PKIB: variants seen among roughly 807,000 people sequenced by gnomAD.
The protein encoded by PKIB is PKI-beta.
A neutral mutation model predicts 4.5 loss-of-function variants in PKIB; 2 were observed. The ratio of observed to expected loss-of-function variants is 0.44; its 90% CI spans 0.18 to 1.39. The LOEUF is 1.39. Among genes scored for constraint, PKIB ranks in the 40% most tolerant of loss-of-function variants. The pLI, the probability that PKIB is intolerant of heterozygous loss-of-function variation, is 0.27. For synonymous variants in PKIB, 38 were observed against 36.0 expected, an observed-to-expected ratio of 1.06 and a Z score of -0.20; for missense variants, 94 against 92.6, an observed-to-expected ratio of 1.02 and a Z score of -0.06.
At chr6:122,490,071 T>C (rs577086354) in intron 2 of PKIB, among the ~76,000 whole-genome samples, 15 of 152,354 alleles carry the variant, frequency 9.8e-5, no homozygotes, top group Admixed American at 9.1e-4. Context: ...AAAAATAGTT[T>C]GCAAACTTAT....
chr6:122,541,783 A>T (rs1163155052), intron 2 of PKIB, among the ~76,000 whole-genome samples: 1 of 151,696 alleles, frequency 6.6e-6, no homozygotes, highest in East Asian at 1.9e-4. Flanking sequence ...AGTGTTTTCC[A>T]ACTTGGTTCC....
intron 2 of PKIB, among the ~76,000 whole-genome samples, chr6:122,669,163 T>C (rs551317418): frequency 5.9e-5 from 9 of 152,342 alleles, no homozygotes; most frequent in African/African-American, 1.9e-4. Flanking sequence ...TCTTCCTCTA[T>C]TGTGAGAATT....
At chr6:122,556,734 C>G (rs1427109108) in intron 2 of PKIB, among the ~76,000 whole-genome samples, 1 of 152,276 alleles carries the variant, frequency 6.6e-6, no homozygotes, top group Middle Eastern at 3.4e-3. Context: ...GCAGAAAACT[C>G]TCCTCCTTTT....
chr6:122,650,784 T>G (rs1776522315), intron 2 of PKIB, among the ~76,000 whole-genome samples: 1 of 152,170 alleles, frequency 6.6e-6, no homozygotes, highest in Non-Finnish European at 1.5e-5. Flanking sequence ...AGGACTCTCC[T>G]GGGGTATGTG....
chr6:122,644,931 T>G (rs538500644), intron 2 of PKIB, among the ~76,000 whole-genome samples: 1 of 152,224 alleles, frequency 6.6e-6, no homozygotes, highest in Non-Finnish European at 1.5e-5. Context: ...CTGTGACAAC[T>G]CCTGTAACTG....
chr6:122,523,718 G>A (rs1055424990), intron 2 of PKIB, among the ~76,000 whole-genome samples: 1 of 151,834 alleles, frequency 6.6e-6, no homozygotes, highest in Non-Finnish European at 1.5e-5. Context: ...GGGAGATGAA[G>A]GTTGCGGTGA....
intron 2 of PKIB, among the ~76,000 whole-genome samples, chr6:122,650,077 G>A (rs941547060): frequency 6.6e-6 from 1 of 152,076 alleles, no homozygotes; most frequent in African/African-American, 2.4e-5. Context: ...TAAAGAATAA[G>A]TTGCTTCTAA....
intron 2 of PKIB, among the ~76,000 whole-genome samples, chr6:122,566,261 T>A (rs1773189294): frequency 6.6e-6 from 1 of 152,124 alleles, no homozygotes; most frequent in Non-Finnish European, 1.5e-5. Context: ...TTCATCACTG[T>A]CATGAGGAAC....
intron 3 of PKIB, among the ~76,000 whole-genome samples, chr6:122,699,046 A>G (rs1341126834): frequency 2.0e-5 from 3 of 152,130 alleles, no homozygotes; most frequent in African/African-American, 7.2e-5. Context: ...GATGTCATCA[A>G]TGTAATATAC....
chr6:122,498,793 G>A (rs970266050), intron 2 of PKIB, among the ~76,000 whole-genome samples: 1 of 152,186 alleles, frequency 6.6e-6, no homozygotes, highest in Non-Finnish European at 1.5e-5. Context: ...TTCTTTAAAC[G>A]AATAAACAAG....
chr6:122,521,243 A>G (rs573273054), intron 2 of PKIB, among the ~76,000 whole-genome samples: 9 of 152,120 alleles, frequency 5.9e-5, no homozygotes, highest in Non-Finnish European at 1.3e-4. Context: ...TTTTGGTGCA[A>G]GTTTGGCTTT....
At chr6:122,692,164 T>G (rs1778382041) in intron 3 of PKIB, among the ~76,000 whole-genome samples, 1 of 152,204 alleles carries the variant, frequency 6.6e-6, no homozygotes, top group Non-Finnish European at 1.5e-5. Flanking sequence ...GCATTGAGTC[T>G]TGCCCAAGGC....
chr6:122,504,106 T>C (rs1349338163), intron 2 of PKIB, among the ~76,000 whole-genome samples: 1 of 152,210 alleles, frequency 6.6e-6, no homozygotes, highest in African/African-American at 2.4e-5. Flanking sequence ...TCTGGGCCTA[T>C]GTTTGTTGCC....
At chr6:122,585,155 G>A (rs1355157126) in intron 2 of PKIB, among the ~76,000 whole-genome samples, 1 of 152,144 alleles carries the variant, frequency 6.6e-6, no homozygotes, top group African/African-American at 2.4e-5. Context: ...CACCTCCGCT[G>A]CTGCTGTATG....
chr6:122,587,267 A>T (rs1305068774), intron 3 of PKIB, among the ~76,000 whole-genome samples: 1 of 152,096 alleles, frequency 6.6e-6, no homozygotes, highest in Non-Finnish European at 1.5e-5. Flanking sequence ...ATGAGTGAGA[A>T]CATGCGGTGT....
At chr6:122,493,939 C>T (rs893279524) in intron 2 of PKIB, among the ~76,000 whole-genome samples, 5 of 152,170 alleles carry the variant, frequency 3.3e-5, no homozygotes, top group African/African-American at 1.2e-4. Flanking sequence ...GGATCTTCTC[C>T]CATCCTCTCT....
In PKIB at chr6:122,645,397, C is replaced by T. The variant is rs375175960; in HGVS notation, c.-76+12030C>T. On this transcript the variant is annotated intron_variant, in intron 2 of 4. Transcript: ENST00000368452. ...TTCCGCTGATGGGAGAAAGTCCAAC[C>T]GAGCTAGTAGGCTGATTATCTGGAG... Among the ~76,000 whole-genome samples the T allele has an allele frequency of 1.1e-4, 17 of 152,200 alleles. No homozygotes were observed. In the South Asian group the frequency reaches 1.9e-3, roughly 17 times the overall value.
intron 3 of PKIB, among the ~76,000 whole-genome samples, chr6:122,690,389 C>T (rs28851503): frequency 0.48 from 72,208 of 151,788 alleles, 17,970 homozygotes; most frequent in Non-Finnish European, 0.56. Context: ...TTCTTACCTT[C>T]TATTTTTTTG....
chr6:122,609,306 A>G (rs935147601), upstream of PKIB, among the ~76,000 whole-genome samples: 3 of 152,224 alleles, frequency 2.0e-5, no homozygotes, highest in African/African-American at 7.2e-5. Context: ...CTTCTCAGCT[A>G]TTTAGCCTTG....
Sources: gnomAD v4.1 joint callset for allele counts (sites outside exome capture counted in the v4.1 genomes callset) on GRCh38, gnomAD v4.1.1 for gene constraint, MANE v1.5 for transcripts, NCBI Gene and HGNC (gene_info 2026-07-23, HGNC 2026-07-21) for gene names.